GAK: variants seen among roughly 807,000 people sequenced by gnomAD.
GAK encodes the protein cyclin G associated kinase.
In GAK, 79 loss-of-function variants were observed where a neutral mutation model predicts 143.9. That is an observed-to-expected ratio of 0.55 (90% CI 0.46 to 0.66). The LOEUF (loss-of-function observed/expected upper bound fraction) is 0.66. Among genes scored for constraint, GAK ranks in the 30% least tolerant of loss-of-function variants. GAK has a pLI of 0.00. For synonymous variants in GAK, 881 were observed against 765.5 expected (o/e 1.15, Z -2.49); for missense variants, 1,693 against 1,779.7 (o/e 0.95, Z 0.88).
Position 866,445 on chromosome 4 carries a change from C to T in GAK, c.2962G>A (p.Asp988Asn), listed in dbSNP as rs776425588. The stretch of plus-strand genomic sequence containing the variant: ...AAGGATGGTGGGACGGTCACAGAGT[C>T]CGAATTGAGAAATTCGCCGAAGAGA... ...PDLFGEFLNS[D>N]SVTVPPSFPS... The change falls in exon 22 of 28, where the codon GAC becomes AAC. Residue 988 changes from aspartate to asparagine, a missense_variant. Coordinates refer to ENST00000314167, the MANE Select transcript of GAK (RefSeq NM_005255.4). 1.2e-6 allele frequency: 2 copies of T among 1,613,982 alleles called. No homozygotes were observed. Among genetic ancestry groups the T allele is most frequent in the South Asian group, 2.2e-5 (2 of 91,094 alleles).
chr4:882,281 GC>G (rs966730508), intron 14 of GAK, among the ~76,000 whole-genome samples: 1 of 152,234 alleles, frequency 6.6e-6, no homozygotes, highest in African/African-American at 2.4e-5. Flanking sequence ...CTCTGCTGGT[GC>G]CCCGTACCCC....
At chr4:868,875 C>T (rs1287230991) in intron 19 of GAK, 190 bp from the exon 20 acceptor site, 1 of 614,772 alleles carries the variant, frequency 1.6e-6, no homozygotes, top group East Asian at 2.8e-5. Flanking sequence ...TCGGATGCCA[C>T]TCTGGGCCAT....
At chr4:854,034 G>A (rs1435397958) in intron 24 of GAK, among the ~76,000 whole-genome samples, 2 of 151,908 alleles carry the variant, frequency 1.3e-5, no homozygotes, top group Non-Finnish European at 2.9e-5. Flanking sequence ...CCGACCTCAG[G>A]TGATCCGCCT....
chr4:910,874 G>C (rs1027146129), intron 4 of GAK, among the ~76,000 whole-genome samples: 2 of 152,180 alleles, frequency 1.3e-5, no homozygotes, highest in African/African-American at 4.8e-5. Flanking sequence ...GAGGGCATCG[G>C]CACGAGGCAG....
rs375821556 is a variant in GAK, at chr4:874,147, TTG to T, written c.2054+2381_2054+2382del. Among the ~76,000 whole-genome samples, 11 of 151,756 alleles carry T rather than the reference TTG, an allele frequency of 7.2e-5. No homozygotes were observed. The South Asian group carries it at 1.0e-3, about 14-fold the overall frequency. ...TGTGTGTGTGTGTGCGCGCTGGTGC[TTG>T]TGTGTGTGTACATGCACACGTGTGT... is the stretch of plus-strand genomic sequence containing the variant. On this transcript the variant is annotated intron_variant, in intron 18 of 27. Coordinates refer to ENST00000314167, the MANE Select transcript of GAK (RefSeq NM_005255.4).
At chr4:873,978 T>C (rs549872186) in intron 18 of GAK, among the ~76,000 whole-genome samples, 5 of 152,340 alleles carry the variant, frequency 3.3e-5, no homozygotes, top group Admixed American at 2.0e-4. Flanking sequence ...TATCTCTACG[T>C]TGTTCTGGCG....
chr4:897,095 G>A (rs569340653), intron 6 of GAK, among the ~76,000 whole-genome samples: 2 of 152,294 alleles, frequency 1.3e-5, no homozygotes, highest in Middle Eastern at 6.8e-3. Flanking sequence ...GTGAATCTCC[G>A]TGCATGGCAG....
intron 4 of GAK, among the ~76,000 whole-genome samples, chr4:909,770 AG>A (rs1721717783): frequency 6.6e-6 from 1 of 152,254 alleles, no homozygotes; most frequent in African/African-American, 2.4e-5. Flanking sequence ...CCCCATGAGC[AG>A]GAAGTGGACA....
At chr4:891,035 G>A (rs778455262) in intron 9 of GAK, among the ~76,000 whole-genome samples, 28 of 149,678 alleles carry the variant, frequency 1.9e-4, no homozygotes, top group Non-Finnish European at 3.2e-4. Context: ...TCAGCTCACC[G>A]CAACCTCCGC....
At position 867,256 on chromosome 4, in the gene GAK, G is replaced by A. The variant is rs751387420; in HGVS notation, c.2572C>T (p.Gln858Ter). 6.2e-7 allele frequency: 1 copy of A among 1,613,044 alleles called. No individual in the cohort carries two copies. The highest frequency in any genetic ancestry group is 1.1e-5 in the South Asian group (1 of 90,898). The change falls in exon 21 of 28, where the codon CAG becomes TAG. Residue 858 changes from glutamine to a stop codon, truncating the protein, a stop_gained. Transcript: ENST00000314167. LOFTEE classifies it high-confidence loss of function. ...EPPGLAAGLV[Q>*]QDLVFEVETP... ...TCCACCTCAAAAACCAAGTCCTGCT[G>A]CACCAGCCCTGCTGCCAGGCCGGGG... is the stretch of plus-strand genomic sequence containing the variant.
intron 23 of GAK, among the ~76,000 whole-genome samples, chr4:863,814 G>A (rs1309093925): frequency 6.6e-6 from 1 of 151,088 alleles, no homozygotes; most frequent in Non-Finnish European, 1.5e-5. Context: ...CACAAGGTCA[G>A]GAGTTCGAGA....
intron 12 of GAK, 55 bp from the exon 13 acceptor site, chr4:883,518 C>A: frequency 1.3e-6 from 2 of 1,595,228 alleles, no homozygotes; most frequent in Non-Finnish European, 1.7e-6. Context: ...CGTGGCCAGG[C>A]TGCTGCTGCG....
chr4:911,789 T>G lies in GAK; in HGVS notation c.268-2A>C, dbSNP rs757515083. On this transcript the variant is annotated splice_acceptor_variant, in intron 3 of 27. Transcript: ENST00000314167. LOFTEE classifies it high-confidence loss of function. ...GTTCGGGTGGCCGGAAAGCTTTTTC[T>G]GCAGTTGTCTTGTTAAAGGAGAACG... 6.2e-7 allele frequency: 1 copy of G among 1,612,040 alleles called. No homozygotes were observed. The highest frequency in any genetic ancestry group is 8.5e-7 in the Non-Finnish European group (1 of 1,178,158).
chr4:866,520 G>T lies in GAK; in HGVS notation c.2887C>A (p.Pro963Thr). 6.2e-7 allele frequency: 1 copy of T among 1,613,716 alleles called. No homozygotes were observed. Among genetic ancestry groups the T allele is most frequent in the East Asian group, 2.2e-5 (1 of 44,856 alleles). Residue 963 changes from proline to threonine, a missense_variant, in exon 22 of 28, where the codon CCG becomes ACG. Around this residue, in one of 2 missense-constraint regions of GAK, gnomAD observed 822 missense variants for 788.7 expected, o/e 1.04. Transcript: ENST00000314167. ...TTGTTGCCTGAAGACGGCAGAAGCG[G>T]GCCAAAGGGGTCAGCTGTGGGGACA... ...GPPAAADPFGPLLPSSGNNSQ... is the reference protein window; with the variant it reads ...GPPAAADPFGTLLPSSGNNSQ...
At chr4:884,253 C>CTG (rs2152820441) in intron 11 of GAK, 167 bp from the exon 12 acceptor site, 1 of 609,310 alleles carries the variant, frequency 1.6e-6, no homozygotes, top group Non-Finnish European at 2.9e-6. Context: ...AGCTTCCCGG[C>CTG]TGTGTGCGTG....
In GAK at chr4:868,529, CGCT is replaced by C; in HGVS notation, c.2395+7_2395+9del. 6.3e-7 allele frequency: 1 copy of C among 1,599,584 alleles called. No homozygotes were observed. Among genetic ancestry groups the C allele is most frequent in the East Asian group, 2.3e-5 (1 of 44,354 alleles). On this transcript the variant is annotated splice_region_variant and intron_variant, in intron 20 of 27. Coordinates refer to ENST00000314167, the MANE Select transcript of GAK (RefSeq NM_005255.4). ...CTCTGCAAGTGGCCAGGTCCAGGGACGCTGCCTACCCTGCCAGTCCAGCGTGTG... is the reference window on the plus strand; with the variant it reads ...CTCTGCAAGTGGCCAGGTCCAGGGACGCCTACCCTGCCAGTCCAGCGTGTG...
intron 2 of GAK, among the ~76,000 whole-genome samples, 180 bp downstream of exon 2, chr4:913,427 G>A (rs879084706): frequency 2.6e-5 from 4 of 152,176 alleles, no homozygotes; most frequent in African/African-American, 7.2e-5. Flanking sequence ...CAAAGCTGGA[G>A]ACCAAGGCTC....
At chr4:888,754 C>T in intron 11 of GAK, 93 bp downstream of exon 11, 1 of 1,478,446 alleles carries the variant, frequency 6.8e-7, no homozygotes, top group African/African-American at 1.4e-5. Context: ...GGCCTGATGA[C>T]CAGCTGTTCC....
chr4:862,657 C>CAAA (rs34817637), intron 23 of GAK, among the ~76,000 whole-genome samples: 1 of 123,674 alleles, frequency 8.1e-6, no homozygotes, highest in Non-Finnish European at 1.7e-5. Context: ...GACTCTGTCT[C>CAAA]AAAAAAAAAA....
Sources: allele counts gnomAD v4.1 joint callset (sites outside exome capture counted in the v4.1 genomes callset), GRCh38; gene constraint gnomAD v4.1.1; regional missense constraint gnomAD v4.1.1; transcripts MANE v1.5; gene names NCBI Gene and HGNC (gene_info 2026-07-23, HGNC 2026-07-21).